The following LRCH1 variants were observed in gnomAD, a reference collection of about 807,000 sequenced individuals.
The protein encoded by LRCH1 is leucine-rich repeat and calponin homology domain-containing protein 1.
In LRCH1, 23 loss-of-function variants were observed where a neutral mutation model predicts 94.9. The ratio of observed to expected loss-of-function variants is 0.24; its 90% confidence interval spans 0.17 to 0.34. The LOEUF is 0.34. Among genes scored for constraint, LRCH1 ranks in the 10% least tolerant of loss-of-function variants. LRCH1 has a pLI of 1.00. For missense variants in LRCH1, 790 were observed against 945.9 expected, an observed-to-expected ratio of 0.84 and a Z score of 2.16; for synonymous variants, 364 against 354.9, an observed-to-expected ratio of 1.03 and a Z score of -0.29.
intron 7 of LRCH1, among the ~76,000 whole-genome samples, chr13:46,691,701 G>A (rs1286059714): frequency 6.6e-6 from 1 of 151,906 alleles, no homozygotes; most frequent in African/African-American, 2.4e-5. Flanking sequence ...ACTTTTTTTT[G>A]TTTTTTTAAG....
chr13:46,582,149 C>CAAA (rs11387752), intron 1 of LRCH1, among the ~76,000 whole-genome samples: 33 of 104,486 alleles, frequency 3.2e-4, no homozygotes, highest in Non-Finnish European at 4.6e-4. Flanking sequence ...GACTCCATCT[C>CAAA]AAAAAAAAAA....
chr13:46,715,487 A>T, intron 15 of LRCH1, 73 bp from the exon 16 acceptor site: 1 of 776,584 alleles, frequency 1.3e-6, no homozygotes, highest in South Asian at 1.5e-5. Flanking sequence ...CATTTGTGAA[A>T]TGCTGCTGCC....
intron 1 of LRCH1, among the ~76,000 whole-genome samples, chr13:46,554,584 A>G (rs2050042499): frequency 6.6e-6 from 1 of 152,252 alleles, no homozygotes; most frequent in Non-Finnish European, 1.5e-5. Context: ...AATAAGCAGC[A>G]TAACTTTTTC....
At chr13:46,633,050 T>C (rs968675891) in intron 1 of LRCH1, among the ~76,000 whole-genome samples, 1 of 152,232 alleles carries the variant, frequency 6.6e-6, no homozygotes, top group African/African-American at 2.4e-5. Context: ...GCCTTAACAT[T>C]CATGCTTCCA....
chr13:46,733,253 G>A (rs965947784), intron 18 of LRCH1, among the ~76,000 whole-genome samples: 1 of 152,158 alleles, frequency 6.6e-6, no homozygotes, highest in African/African-American at 2.4e-5. Flanking sequence ...AAATGTGCCT[G>A]TTACCCATCC....
At chr13:46,721,265 C>G (rs1488264949) in intron 16 of LRCH1, among the ~76,000 whole-genome samples, 1 of 152,158 alleles carries the variant, frequency 6.6e-6, no homozygotes, top group East Asian at 1.9e-4. Flanking sequence ...AAGATTACCC[C>G]CAGAAAAAAG....
chr13:46,688,132 G>C (rs1870717114), intron 6 of LRCH1, among the ~76,000 whole-genome samples, 153 bp downstream of exon 6: 1 of 152,178 alleles, frequency 6.6e-6, no homozygotes. Context: ...CACCTAATTT[G>C]TATTTAAAAC....
chr13:46,728,299 T>C (rs1205857311), intron 17 of LRCH1, among the ~76,000 whole-genome samples: 1 of 152,048 alleles, frequency 6.6e-6, no homozygotes, highest in Non-Finnish European at 1.5e-5. Context: ...CACTGCAACC[T>C]CCGCCTCCTG....
intron 1 of LRCH1, among the ~76,000 whole-genome samples, chr13:46,586,321 G>A (rs951002833): frequency 2.0e-5 from 3 of 152,254 alleles, no homozygotes; most frequent in Non-Finnish European, 2.9e-5. Context: ...AGGGCCACAT[G>A]TGGGGTCAGA....
In LRCH1 at chr13:46,602,978, G is replaced by GCATGCATACATACATACATA. The variant is rs142972823; in HGVS notation, c.308-47220_308-47219insGCATACATACATACATACAT. On this transcript the variant is annotated intron_variant, in intron 1 of 19. Coordinates refer to ENST00000389797, the MANE Select transcript of LRCH1 (RefSeq NM_001164211.2). The stretch of plus-strand genomic sequence containing the variant: ...TACATACATGCATACATACATGCAT[G>GCATGCATACATACATACATA]CATACATACATACATACATACATAC... 8.2e-3 allele frequency among the ~76,000 whole-genome samples: 1,222 copies of GCATGCATACATACATACATA among 149,922 alleles called. 10 individuals carry two copies. The highest frequency in any genetic ancestry group is 0.034 in the Admixed American group (516 of 15,066).
At position 46,715,776 on chromosome 13, in the gene LRCH1, A is replaced by G; in HGVS notation, c.1759+112A>G. 3 of 680,806 alleles carry G rather than the reference A, an allele frequency of 4.4e-6. No homozygotes were observed. The South Asian group carries it at 5.3e-5, about 12-fold the overall frequency. The allele number at this position is 680,806 out of a possible 1,614,324, so 42.2% of individuals were successfully genotyped here. On this transcript the variant is annotated intron_variant, in intron 16 of 19. Coordinates refer to ENST00000389797, the MANE Select transcript of LRCH1 (RefSeq NM_001164211.2). ...GAGTATATTCACCTGCATGCTTGGTATGAGAAATAATGTGTAAGCCTGGAA... is the reference window on the plus strand; with the variant it reads ...GAGTATATTCACCTGCATGCTTGGTGTGAGAAATAATGTGTAAGCCTGGAA...
At chr13:46,739,646 C>T (rs555815653) in intron 19 of LRCH1, among the ~76,000 whole-genome samples, 1 of 152,252 alleles carries the variant, frequency 6.6e-6, no homozygotes, top group East Asian at 1.9e-4. Context: ...GAGAGCAGTT[C>T]TCAGATGGCC....
intron 1 of LRCH1, among the ~76,000 whole-genome samples, chr13:46,625,632 GTTTT>G (rs3040224): frequency 2.4e-5 from 3 of 127,200 alleles, no homozygotes; most frequent in Non-Finnish European, 4.8e-5. Flanking sequence ...AATGTGTGGG[GTTTT>G]TTTTTTTTTT....
intron 1 of LRCH1, among the ~76,000 whole-genome samples, chr13:46,589,500 C>T (rs1053904213): frequency 6.6e-6 from 1 of 151,602 alleles, no homozygotes; most frequent in Non-Finnish European, 1.5e-5. Context: ...TTTTTTCTTC[C>T]TAAATTCAGA....
intron 3 of LRCH1, among the ~76,000 whole-genome samples, chr13:46,671,219 C>A (rs1273348485): frequency 6.6e-6 from 1 of 152,236 alleles, no homozygotes; most frequent in African/African-American, 2.4e-5. Context: ...CAAGTTAGAT[C>A]TCACTTTGTC....
intron 16 of LRCH1, among the ~76,000 whole-genome samples, chr13:46,722,343 C>T (rs1191263486): frequency 6.6e-6 from 1 of 151,928 alleles, no homozygotes; most frequent in African/African-American, 2.4e-5. Context: ...ATCTTATGTG[C>T]AAGGATAAAA....
chr13:46,580,440 G>A (rs911326828), intron 1 of LRCH1, among the ~76,000 whole-genome samples: 22 of 152,208 alleles, frequency 1.4e-4, no homozygotes, highest in African/African-American at 4.8e-4. Context: ...CTACTGCAGC[G>A]AAACTGCAAG....
chr13:46,619,690 C>A (rs9526205), intron 1 of LRCH1, among the ~76,000 whole-genome samples: 2 of 152,104 alleles, frequency 1.3e-5, no homozygotes, highest in African/African-American at 4.8e-5. Flanking sequence ...GGTGGGCATT[C>A]GGATGAAGAG....
At chr13:46,710,366 C>T (rs76258491) in intron 13 of LRCH1, among the ~76,000 whole-genome samples, 392 of 152,110 alleles carry the variant, frequency 2.6e-3, no homozygotes, top group African/African-American at 8.9e-3. Flanking sequence ...GTGAGCCACA[C>T]GGAAAGGGGA....
Sources: gnomAD v4.1 joint callset for allele counts (sites outside exome capture counted in the v4.1 genomes callset) on GRCh38, gnomAD v4.1.1 for gene constraint, MANE v1.5 for transcripts, NCBI Gene and HGNC (gene_info 2026-07-23, HGNC 2026-07-21) for gene names.